The following ACP3 variants were observed in gnomAD, a reference collection of about 807,000 sequenced individuals.
ACP3 encodes the protein prostatic acid phosphatase.
Under a neutral mutation model 45.6 loss-of-function variants are expected in ACP3, and 38 were observed. That is an observed-to-expected ratio of 0.83 (90% CI 0.64 to 1.09). ACP3 has a LOEUF of 1.09. Ranked by LOEUF, ACP3 falls within the 50% of genes least tolerant of loss-of-function variation. The pLI is 0.00. For synonymous variants in ACP3, 162 were observed against 164.7 expected, an observed-to-expected ratio of 0.98 and a Z score of 0.13; for missense variants, 466 against 463.2, an observed-to-expected ratio of 1.01 and a Z score of -0.05.
downstream of ACP3, among the ~76,000 whole-genome samples, chr3:132,361,253 CT>C (rs1206915246): frequency 1.3e-5 from 2 of 152,190 alleles, no homozygotes; most frequent in Non-Finnish European, 2.9e-5. Context: ...CCGCTCCTCC[CT>C]CAAAGATGAG....
In ACP3 at chr3:132,356,840, A is replaced by G; in HGVS notation, c.1123A>G (p.Thr375Ala). 2 of 1,614,156 alleles carry G rather than the reference A, an allele frequency of 1.2e-6. No homozygotes were observed. Among genetic ancestry groups the G allele is most frequent in the Non-Finnish European group, 1.7e-6 (2 of 1,180,024 alleles). The change falls in exon 10 of 10, where the codon ACA becomes GCA. Residue 375 changes from threonine to alanine, a missense_variant. Coordinates refer to ENST00000336375, the MANE Select transcript of ACP3 (RefSeq NM_001099.5). The stretch of plus-strand genomic sequence containing the variant: ...AGACTGGTCCACGGAGTGTATGACC[A>G]CAAACAGCCATCAAGGTACTGAAGA... Reference protein sequence around the residue: ...PQDWSTECMTTNSHQGTEDST... With the variant: ...PQDWSTECMTANSHQGTEDST...
At chr3:132,317,791 G>C (rs118060633) in intron 1 of ACP3, among the ~76,000 whole-genome samples, 1 of 152,076 alleles carries the variant, frequency 6.6e-6, no homozygotes, top group Non-Finnish European at 1.5e-5. Flanking sequence ...TTTTTTTAGG[G>C]GTTGCTTTTT....
At chr3:132,361,656 A>G (rs1481957669), downstream of ACP3, among the ~76,000 whole-genome samples, 1 of 151,858 alleles carries the variant, frequency 6.6e-6, no homozygotes, top group Non-Finnish European at 1.5e-5. Context: ...CACTTTTCCT[A>G]CTCCCTGCAG....
chr3:132,352,896 G>A (rs1576426165), intron 9 of ACP3, 73 bp downstream of exon 9: 1 of 1,097,228 alleles, frequency 9.1e-7, no homozygotes, highest in Non-Finnish European at 1.4e-6. Context: ...TTGGGTTAAG[G>A]GTTGTGTGCC....
intron 2 of ACP3, among the ~76,000 whole-genome samples, chr3:132,329,833 G>A (rs1195720631): frequency 6.6e-6 from 1 of 151,990 alleles, no homozygotes; most frequent in Admixed American, 6.6e-5. Flanking sequence ...ATACTCCCAA[G>A]GATGACAATG....
chr3:132,340,240 A>G (rs966295583), intron 5 of ACP3, among the ~76,000 whole-genome samples: 3 of 151,144 alleles, frequency 2.0e-5, no homozygotes, highest in Admixed American at 6.6e-5. Flanking sequence ...ACTTGAACCC[A>G]GGAGGCGGAG....
At chr3:132,328,233 G>C (rs765865589) in intron 1 of ACP3, 34 bp from the exon 2 acceptor site, 1 of 1,568,216 alleles carries the variant, frequency 6.4e-7, no homozygotes. Context: ...CCCAAGTGAC[G>C]TTTGTAACAT....
At chr3:132,361,871 C>T (rs749829115), downstream of ACP3, among the ~76,000 whole-genome samples, 6 of 152,124 alleles carry the variant, frequency 3.9e-5, no homozygotes, top group South Asian at 2.1e-4. Context: ...AACCCATCTC[C>T]GCAGTCTCCT....
At chr3:132,352,936 G>A (rs1937790742) in intron 9 of ACP3, 113 bp downstream of exon 9, 3 of 729,074 alleles carry the variant, frequency 4.1e-6, no homozygotes, top group Admixed American at 2.3e-5. Context: ...TTTATATTCA[G>A]AGGGAAGAAT....
At chr3:132,322,367 C>A (rs1311274187) in intron 1 of ACP3, among the ~76,000 whole-genome samples, 1 of 152,184 alleles carries the variant, frequency 6.6e-6, no homozygotes, top group Non-Finnish European at 1.5e-5. Context: ...TCTGAAATGA[C>A]ACTCATTTAC....
intron 2 of ACP3, among the ~76,000 whole-genome samples, chr3:132,328,576 G>A (rs1937344278): frequency 6.6e-6 from 1 of 150,988 alleles, no homozygotes; most frequent in African/African-American, 2.4e-5. Flanking sequence ...CTACTCGGGA[G>A]TCTGAGGTAG....
At chr3:132,350,423 G>A (rs183481992) in intron 8 of ACP3, among the ~76,000 whole-genome samples, 1 of 152,306 alleles carries the variant, frequency 6.6e-6, no homozygotes, top group Non-Finnish European at 1.5e-5. Flanking sequence ...GGAAGGCCAG[G>A]AATGTTGTGT....
intron 4 of ACP3, among the ~76,000 whole-genome samples, chr3:132,335,860 G>A (rs1937480173): frequency 2.0e-5 from 3 of 152,196 alleles, no homozygotes; most frequent in Non-Finnish European, 4.4e-5. Flanking sequence ...TGTAGTCTGT[G>A]TGGTGGTGAG....
intron 2 of ACP3, among the ~76,000 whole-genome samples, chr3:132,329,435 A>G (rs55716485): frequency 0.11 from 16,824 of 152,186 alleles, 1,148 homozygotes; most frequent in Non-Finnish European, 0.15. Context: ...TTCTGCCCTG[A>G]CTATATTTCA....
chr3:132,325,988 G>T (rs1032113858), intron 1 of ACP3, among the ~76,000 whole-genome samples: 1 of 152,226 alleles, frequency 6.6e-6, no homozygotes, highest in Admixed American at 6.5e-5. Context: ...AGTTACCGTT[G>T]TGGTTATAGG....
chr3:132,335,083 T>C (rs1454799393), intron 4 of ACP3, among the ~76,000 whole-genome samples: 2 of 152,228 alleles, frequency 1.3e-5, no homozygotes, highest in Non-Finnish European at 2.9e-5. Flanking sequence ...ATCCAGAAAG[T>C]AATTAATTAA....
At position 132,333,006 on chromosome 3, in the gene ACP3, C is replaced by T. The variant is rs140073233; in HGVS notation, c.456+662C>T. ...ATTTCATTCCAGAGCAATTTTCTTCCCTATAAAATCATGATTCTCAGACTT... is the reference window on the plus strand; with the variant it reads ...ATTTCATTCCAGAGCAATTTTCTTCTCTATAAAATCATGATTCTCAGACTT... On this transcript the variant is annotated intron_variant, in intron 4 of 9. Transcript: ENST00000336375. Among the ~76,000 whole-genome samples, 5 of 152,236 alleles carry T rather than the reference C, an allele frequency of 3.3e-5. No individual in the cohort carries two copies. In the East Asian group the frequency reaches 9.7e-4, roughly 29 times the overall value.
intron 7 of ACP3, among the ~76,000 whole-genome samples, chr3:132,347,874 A>ACC (rs1559839229): frequency 4.8e-4 from 37 of 77,166 alleles, no homozygotes; most frequent in African/African-American, 1.3e-3. Flanking sequence ...CACACACACC[A>ACC]AAAAAATCCC....
intron 6 of ACP3, among the ~76,000 whole-genome samples, chr3:132,344,421 G>A (rs143786857): frequency 2.0e-5 from 3 of 151,350 alleles, no homozygotes; most frequent in Non-Finnish European, 2.9e-5. Context: ...TCCAGCCTTG[G>A]TGACAGAGCA....
Sources: allele counts gnomAD v4.1 joint callset (sites outside exome capture counted in the v4.1 genomes callset), GRCh38; gene constraint gnomAD v4.1.1; transcripts MANE v1.5; gene names NCBI Gene and HGNC (gene_info 2026-07-23, HGNC 2026-07-21).